The following VPS13D variants were observed in gnomAD, a reference collection of about 807,000 sequenced individuals.
VPS13D encodes the protein vacuolar protein sorting 13 homolog D.
VPS13D carries 187 observed loss-of-function variants against 461.9 expected under a neutral mutation model. The ratio of observed to expected loss-of-function variants is 0.40; its 90% CI spans 0.36 to 0.46. VPS13D has a LOEUF of 0.46. VPS13D is among the 20% of genes least tolerant of loss of function. The pLI, the probability that VPS13D is intolerant of heterozygous loss-of-function variation, is 0.60. For synonymous variants in VPS13D, 1,951 were observed against 1,986.3 expected, an observed-to-expected ratio of 0.98 and a Z score of 0.47; for missense variants, 4,711 against 5,364.9, an observed-to-expected ratio of 0.88 and a Z score of 3.81.
intron 65 of VPS13D, among the ~76,000 whole-genome samples, chr1:12,435,678 C>T (rs1645050474): frequency 6.6e-6 from 1 of 151,366 alleles, no homozygotes; most frequent in South Asian, 2.1e-4. Context: ...GATTCAGAGC[C>T]CGTCCTCTTA....
Position 12,290,145 on chromosome 1 carries a change from G to A in VPS13D, c.5726-853G>A, listed in dbSNP as rs375606579. On this transcript the variant is annotated intron_variant, in intron 22 of 69. Transcript: ENST00000620676. ...TTCTAGTCGTACATGTTTCAGTCAC[G>A]TCTTCTTTCTTCTTTCCACCTTCCA... Among the ~76,000 whole-genome samples, 40 of 152,170 alleles carry A rather than the reference G, an allele frequency of 2.6e-4. 3 individuals carry two copies. Among genetic ancestry groups the A allele is most frequent in the Admixed American group, 2.1e-3 (32 of 15,292 alleles).
intron 68 of VPS13D, among the ~76,000 whole-genome samples, chr1:12,506,531 C>T (rs775169888): frequency 3.9e-5 from 6 of 152,240 alleles, no homozygotes; most frequent in Admixed American, 6.5e-5. Context: ...TGCGTCTTCT[C>T]GCCCCTTCAT....
At position 12,385,382 on chromosome 1, in the gene VPS13D, T is replaced by C. The variant is rs1166504154; in HGVS notation, c.11484+9T>C. 1.9e-6 allele frequency: 3 copies of C among 1,591,348 alleles called. No homozygotes were observed. The highest frequency in any genetic ancestry group is 2.2e-5 in the East Asian group (1 of 44,612). ...CAGAGCAGGAATTGGAAGTAAGGTC[T>C]AAATATTGTGAATTTATTTATTTGA... On this transcript the variant is annotated intron_variant, in intron 59 of 69. Coordinates refer to ENST00000620676, the MANE Select transcript of VPS13D (RefSeq NM_015378.4).
At chr1:12,354,269 C>T (rs751384652) in intron 47 of VPS13D, 48 bp downstream of exon 47, 2 of 1,596,928 alleles carry the variant, frequency 1.3e-6, no homozygotes, top group Admixed American at 3.4e-5. Flanking sequence ...ATGAAAATAT[C>T]AATGAGTATT....
At chr1:12,382,737 A>C (rs1644299612) in intron 57 of VPS13D, among the ~76,000 whole-genome samples, 1 of 152,252 alleles carries the variant, frequency 6.6e-6, no homozygotes, top group Non-Finnish European at 1.5e-5. Context: ...TCTATGCATG[A>C]AATTATCTCT....
chr1:12,388,593 AG>A (rs1437883607), intron 60 of VPS13D, among the ~76,000 whole-genome samples: 1 of 151,408 alleles, frequency 6.6e-6, no homozygotes, highest in Non-Finnish European at 1.5e-5. Flanking sequence ...AAAAAAAAAA[AG>A]AAATCATAAA....
At chr1:12,367,130 A>G (rs992122297) in intron 52 of VPS13D, among the ~76,000 whole-genome samples, 8 of 152,190 alleles carry the variant, frequency 5.3e-5, no homozygotes, top group Admixed American at 2.0e-4. Context: ...TCTTTAATCT[A>G]GAGTAGTCCC....
At chr1:12,395,998 T>TAG (rs1553187945) in intron 60 of VPS13D, among the ~76,000 whole-genome samples, 6 of 114,812 alleles carry the variant, frequency 5.2e-5, no homozygotes, top group Admixed American at 8.9e-5. Context: ...TAATAGGAGA[T>TAG]ATATATATAT....
rs778093542 is a variant in VPS13D at position 12,311,538 on chromosome 1, G to A, written c.6735G>A (p.Lys2245=). The A allele has an allele frequency of 6.2e-7, 1 of 1,614,128 alleles. No individual in the cohort carries two copies. Among genetic ancestry groups the A allele is most frequent in the South Asian group, 1.1e-5 (1 of 91,086 alleles). Residue 2245 remains lysine, a synonymous_variant, in exon 28 of 70, where the codon AAG becomes AAA. Coordinates refer to ENST00000620676, the MANE Select transcript of VPS13D (RefSeq NM_015378.4). ...GCTCTCTGGATCTGTATAAATACAA[G>A]CTGATCCGCGGCTTATTAGAGAACA... ...VHCSLDLYKY[K]LIRGLLENNL...
At chr1:12,452,760 T>C (rs1431588160) in intron 65 of VPS13D, among the ~76,000 whole-genome samples, 1 of 152,232 alleles carries the variant, frequency 6.6e-6, no homozygotes. Flanking sequence ...TAAAATCTGA[T>C]TAACTACTCA....
At chr1:12,456,209 A>G (rs1645324518) in intron 66 of VPS13D, 79 bp downstream of exon 66, 1 of 1,511,518 alleles carries the variant, frequency 6.6e-7, no homozygotes, top group Admixed American at 2.3e-5. Context: ...GCAGCTATAA[A>G]AAAAGAAAGG....
intron 52 of VPS13D, among the ~76,000 whole-genome samples, chr1:12,367,972 C>T (rs1373401381): frequency 5.3e-5 from 8 of 152,150 alleles, no homozygotes; most frequent in East Asian, 1.9e-4. Flanking sequence ...GGTCTCACCA[C>T]GTTGCCCAGG....
chr1:12,354,954 G>A (rs1368870732), intron 47 of VPS13D, among the ~76,000 whole-genome samples: 1 of 152,196 alleles, frequency 6.6e-6, no homozygotes, highest in Non-Finnish European at 1.5e-5. Flanking sequence ...TGCAAATTGG[G>A]CAGCCCCCAG....
At chr1:12,439,805 T>C (rs776971160) in intron 65 of VPS13D, among the ~76,000 whole-genome samples, 1 of 152,186 alleles carries the variant, frequency 6.6e-6, no homozygotes, top group Non-Finnish European at 1.5e-5. Context: ...CATTTATAGA[T>C]GAAGACACTG....
At chr1:12,345,584 C>T in intron 43 of VPS13D, 75 bp downstream of exon 43, 2 of 1,517,986 alleles carry the variant, frequency 1.3e-6, no homozygotes, top group Non-Finnish European at 1.8e-6. Context: ...AATAAGCTTA[C>T]TCTAATGAAA....
chr1:12,321,040 G>A (rs1020919285), intron 32 of VPS13D, among the ~76,000 whole-genome samples: 1 of 152,108 alleles, frequency 6.6e-6, no homozygotes, highest in South Asian at 2.1e-4. Flanking sequence ...CAAATGATTG[G>A]TCTTTTCTTT....
At chr1:12,361,722 T>C (rs1234153625) in intron 50 of VPS13D, among the ~76,000 whole-genome samples, 3 of 152,148 alleles carry the variant, frequency 2.0e-5, no homozygotes, top group African/African-American at 7.2e-5. Flanking sequence ...AAAATTGTTA[T>C]CAGAGTTTTT....
chr1:12,414,378 A>G (rs996584815), intron 63 of VPS13D, among the ~76,000 whole-genome samples: 25 of 152,148 alleles, frequency 1.6e-4, no homozygotes, highest in African/African-American at 5.6e-4. Flanking sequence ...CTTTTCATCA[A>G]CAATGGTGGT....
At chr1:12,243,660 T>C (rs1331850051) in intron 3 of VPS13D, among the ~76,000 whole-genome samples, 1 of 152,168 alleles carries the variant, frequency 6.6e-6, no homozygotes, top group African/African-American at 2.4e-5. Flanking sequence ...TCTAGGAGGC[T>C]TGGCTAGAAA....
Sources: gnomAD v4.1 joint callset for allele counts (sites outside exome capture counted in the v4.1 genomes callset) on GRCh38, gnomAD v4.1.1 for gene constraint, MANE v1.5 for transcripts, NCBI Gene and HGNC (gene_info 2026-07-23, HGNC 2026-07-21) for gene names.